The following NWD2 variants were observed in gnomAD, a reference collection of about 807,000 sequenced individuals.
NWD2 encodes NACHT and WD repeat domain-containing protein 2.
In NWD2, 37 loss-of-function variants were observed where a neutral mutation model predicts 132.7. The observed-to-expected ratio is 0.28, with a 90% CI of 0.21 to 0.37. NWD2 has a LOEUF of 0.37. NWD2 is among the 10% of genes least tolerant of loss of function. The probability of loss-of-function intolerance (pLI) is 1.00; values close to 1 mark genes in which losing one functional copy is unlikely to be tolerated. For missense variants in NWD2, 1,592 were observed against 2,122.4 expected (o/e 0.75, Z 4.91); for synonymous variants, 705 against 803.0 (o/e 0.88, Z 2.06).
At chr4:37,290,818 C>T (rs1313813382) in intron 1 of NWD2, among the ~76,000 whole-genome samples, 1 of 152,170 alleles carries the variant, frequency 6.6e-6, no homozygotes, top group Non-Finnish European at 1.5e-5. Flanking sequence ...CATTTTTGCT[C>T]TTCACTCCGC....
At chr4:37,346,861 A>AT (rs1719647901) in intron 2 of NWD2, among the ~76,000 whole-genome samples, 1 of 151,864 alleles carries the variant, frequency 6.6e-6, no homozygotes. Flanking sequence ...ATTTCATCAG[A>AT]TTTTTTCATT....
intron 2 of NWD2, among the ~76,000 whole-genome samples, chr4:37,327,133 A>G (rs192856505): frequency 3.7e-4 from 57 of 152,214 alleles, no homozygotes; most frequent in African/African-American, 1.3e-3. Context: ...ATAATTTCCA[A>G]TCTGTCAAGA....
At chr4:37,393,188 C>T (rs952705157) in intron 3 of NWD2, among the ~76,000 whole-genome samples, 9 of 12,804 alleles carry the variant, frequency 7.0e-4, no homozygotes, top group African/African-American at 1.5e-3. Flanking sequence ...GAGGAAACAT[C>T]CGGGGGTTGG....
At chr4:37,348,928 T>C (rs912527853) in intron 2 of NWD2, among the ~76,000 whole-genome samples, 3 of 151,468 alleles carry the variant, frequency 2.0e-5, no homozygotes, top group Non-Finnish European at 4.4e-5. Context: ...GTGAGACATG[T>C]CGTGTTTGGT....
At chr4:37,322,420 A>G (rs531729560) in intron 1 of NWD2, among the ~76,000 whole-genome samples, 4 of 152,348 alleles carry the variant, frequency 2.6e-5, no homozygotes, top group African/African-American at 9.6e-5. Context: ...AGGACTAAGC[A>G]TTCCAGGACG....
chr4:37,331,954 G>A (rs183261780), intron 2 of NWD2, among the ~76,000 whole-genome samples: 68 of 152,316 alleles, frequency 4.5e-4, no homozygotes, highest in African/African-American at 1.5e-3. Context: ...ACATTGGGCA[G>A]AAATGAGCCA....
At chr4:37,405,356 TCTAA>T (rs1720977196) in intron 3 of NWD2, among the ~76,000 whole-genome samples, 1 of 152,078 alleles carries the variant, frequency 6.6e-6, no homozygotes. Context: ...TGGGTAGCAG[TCTAA>T]TAGTAGATCA....
intron 1 of NWD2, among the ~76,000 whole-genome samples, chr4:37,324,508 G>C (rs987987581): frequency 2.0e-5 from 3 of 152,054 alleles, no homozygotes; most frequent in Non-Finnish European, 4.4e-5. Context: ...TGGAGCAAGG[G>C]AGGATGGGCA....
chr4:37,401,072 G>T (rs1282898215), intron 3 of NWD2, among the ~76,000 whole-genome samples: 2 of 152,204 alleles, frequency 1.3e-5, no homozygotes, highest in Non-Finnish European at 2.9e-5. Context: ...TATAGGTAAT[G>T]TAAGTGTCAG....
chr4:37,259,867 AG>A lies in NWD2; in HGVS notation c.151+14652del, dbSNP rs1717593595. Among the ~76,000 whole-genome samples, 10 of 152,320 alleles carry A rather than the reference AG, an allele frequency of 6.6e-5. No individual in the cohort carries two copies. The South Asian group carries it at 2.1e-3, about 32-fold the overall frequency. ...CTCCCCTCCAGGGAAGGAGCCACTG[AG>A]GGAAGAAGAGAGATGAGATTTCCGT... On this transcript the variant is annotated intron_variant, in intron 1 of 6. Coordinates refer to ENST00000309447, the MANE Select transcript of NWD2 (RefSeq NM_001144990.2).
chr4:37,275,371 G>C (rs1717986262), intron 1 of NWD2, among the ~76,000 whole-genome samples: 2 of 152,106 alleles, frequency 1.3e-5, no homozygotes, highest in Non-Finnish European at 2.9e-5. Context: ...ACTTACAAGG[G>C]ATGTGAAGGA....
chr4:37,310,551 A>G (rs990335176), intron 1 of NWD2, among the ~76,000 whole-genome samples: 4 of 144,398 alleles, frequency 2.8e-5, no homozygotes, highest in Admixed American at 2.1e-4. Flanking sequence ...TATTGAATAG[A>G]AGTTTTGAGG....
intron 1 of NWD2, among the ~76,000 whole-genome samples, chr4:37,324,800 A>G (rs1719137807): frequency 6.6e-6 from 1 of 152,128 alleles, no homozygotes; most frequent in African/African-American, 2.4e-5. Context: ...TCAGGCTTTC[A>G]TGATTGGTTA....
intron 2 of NWD2, among the ~76,000 whole-genome samples, chr4:37,327,191 A>T (rs901731000): frequency 1.1e-4 from 16 of 152,186 alleles, no homozygotes; most frequent in Admixed American, 8.5e-4. Context: ...CCATAGAGGA[A>T]GAAATGTGTC....
chr4:37,400,977 T>C (rs1278855954), intron 3 of NWD2, among the ~76,000 whole-genome samples: 1 of 152,206 alleles, frequency 6.6e-6, no homozygotes, highest in Non-Finnish European at 1.5e-5. Context: ...TTCAGTGACC[T>C]GTGCTATTCA....
intron 1 of NWD2, among the ~76,000 whole-genome samples, chr4:37,286,243 T>G (rs1718228284): frequency 6.6e-6 from 1 of 152,254 alleles, no homozygotes; most frequent in African/African-American, 2.4e-5. Context: ...CCTTACTTTC[T>G]TAGCACTTCT....
At chr4:37,286,873 G>A (rs548454335) in intron 1 of NWD2, among the ~76,000 whole-genome samples, 3 of 152,024 alleles carry the variant, frequency 2.0e-5, no homozygotes, top group Non-Finnish European at 4.4e-5. Context: ...CATGGGGTGC[G>A]GGGCCAAGAT....
chr4:37,348,913 T>A (rs1719704372), intron 2 of NWD2, among the ~76,000 whole-genome samples: 1 of 151,640 alleles, frequency 6.6e-6, no homozygotes, highest in Non-Finnish European at 1.5e-5. Flanking sequence ...AACTCCCACT[T>A]ATGAGTGAGA....
rs770904759 is a variant in NWD2, at chr4:37,446,420, G to A, written c.4432G>A (p.Gly1478Arg). The A allele has an allele frequency of 6.5e-5, 101 of 1,551,628 alleles. No homozygotes were observed. Among genetic ancestry groups the A allele is most frequent in the Non-Finnish European group, 7.8e-6 (9 of 1,147,016 alleles). The change falls in exon 7 of 7, where the codon GGG becomes AGG. Residue 1478 changes from glycine (G) to arginine (R), a missense_variant. By Grantham distance (125) the Gly-to-Arg change is moderately radical (BLOSUM62 -2). Transcript: ENST00000309447. This position sits in a 1 kb window ranked among gnomAD's most constrained non-coding sequence, Gnocchi z 6.7. ...CACCAAGAAATTTTGCTGTGAAGAT[G>A]GGACCACCATCGTGAATTTTAAATT... ...SITKKFCCED[G>R]TTIVNFKLIP...
Sources: allele counts gnomAD v4.1 joint callset (sites outside exome capture counted in the v4.1 genomes callset), GRCh38; gene constraint gnomAD v4.1.1; non-coding constraint Gnocchi (gnomAD v3.1); transcripts MANE v1.5; gene names NCBI Gene and HGNC (gene_info 2026-07-23, HGNC 2026-07-21).